Variants in MED12L observed in about 807,000 individuals in gnomAD.
The protein encoded by MED12L is mediator complex subunit 12L.
A neutral mutation model predicts 281.3 loss-of-function variants in MED12L; 60 were observed. That is an observed-to-expected ratio of 0.21 (90% confidence interval 0.17 to 0.26). MED12L has a LOEUF of 0.26. Among genes scored for constraint, MED12L ranks in the 10% least tolerant of loss-of-function variants. MED12L has a pLI of 1.00. For missense variants in MED12L, 2,146 were observed against 2,680.9 expected (o/e 0.80, Z 4.41); for synonymous variants, 974 against 987.2 (o/e 0.99, Z 0.25).
At chr3:151,367,610 G>T in intron 23 of MED12L, 36 bp from the exon 24 acceptor site, 7 of 1,562,720 alleles carry the variant, frequency 4.5e-6, no homozygotes, top group Non-Finnish European at 6.1e-6. Flanking sequence ...TTACAAGGTT[G>T]TTAGGTATTA....
chr3:151,179,597 A>C (rs1008018308), intron 11 of MED12L, among the ~76,000 whole-genome samples: 1 of 152,210 alleles, frequency 6.6e-6, no homozygotes, highest in Non-Finnish European at 1.5e-5. Context: ...CAGTAGGGGT[A>C]CTGCTCCTGG....
chr3:151,271,695 A>G (rs1054973040), intron 16 of MED12L, among the ~76,000 whole-genome samples: 1 of 152,238 alleles, frequency 6.6e-6, no homozygotes, highest in Admixed American at 6.5e-5. Flanking sequence ...GGCCCACAAT[A>G]TAGGTAAATC....
chr3:151,370,133 T>C (rs1207487451), intron 26 of MED12L, among the ~76,000 whole-genome samples: 2 of 152,216 alleles, frequency 1.3e-5, no homozygotes, highest in African/African-American at 4.8e-5. Flanking sequence ...AGATGTTCTT[T>C]ACATCCTTAT....
intron 16 of MED12L, among the ~76,000 whole-genome samples, chr3:151,237,045 CTTTTTTTTT>C: frequency 7.9e-6 from 1 of 125,866 alleles, no homozygotes; most frequent in East Asian, 2.3e-4. Flanking sequence ...TGATGCCAAA[CTTTTTTTTT>C]TTTTTTTTTT....
In MED12L at chr3:151,229,330, TG is replaced by T. The variant is rs59783580; in HGVS notation, c.2250+35666del. On this transcript the variant is annotated intron_variant, in intron 16 of 44. Transcript: ENST00000687756. The stretch of plus-strand genomic sequence containing the variant: ...CTTTTTTTTTTTTTTTTTTTTGAGA[TG>T]GAGTCTTGCTCTGTTGCTCAGGCTG... Among the ~76,000 whole-genome samples, 741 of 142,138 alleles carry T rather than the reference TG, an allele frequency of 5.2e-3. 4 individuals carry two copies. The highest frequency in any genetic ancestry group is 0.019 in the African/African-American group (708 of 37,632). 93.2% of individuals were successfully genotyped at this position (142,138 alleles called of 152,430 possible). A position where few individuals can be genotyped will look rare whatever the true frequency, so the allele number is the denominator to read the frequency against.
Position 151,122,778 on chromosome 3 carries a change from C to G in MED12L, c.205-5C>G. 6.3e-7 allele frequency: 1 copy of G among 1,579,428 alleles called. No homozygotes were observed. The highest frequency in any genetic ancestry group is 8.6e-7 in the Non-Finnish European group (1 of 1,163,728). ...ACTTTCCCTTTTTTTCTCTTCTTTC[C>G]ACAGATTGGAGCTTATTTTAGCAGC... On this transcript the variant is annotated splice_region_variant and splice_polypyrimidine_tract_variant and intron_variant, in intron 3 of 44. Coordinates refer to ENST00000687756, the MANE Select transcript of MED12L (RefSeq NM_001393769.1).
At chr3:151,386,237 C>G (rs1378743179) in intron 36 of MED12L, among the ~76,000 whole-genome samples, 5 of 152,206 alleles carry the variant, frequency 3.3e-5, no homozygotes, top group Non-Finnish European at 7.3e-5. Flanking sequence ...TTTGAGTTTG[C>G]AGTGTCAGCG....
intron 21 of MED12L, among the ~76,000 whole-genome samples, chr3:151,364,524 G>A (rs868107611): frequency 7.9e-5 from 12 of 152,114 alleles, no homozygotes; most frequent in African/African-American, 1.9e-4. Flanking sequence ...CTTGGCACAC[G>A]AACTTCTACT....
In MED12L at chr3:151,409,234, G is replaced by A. The variant is rs1716687309; in HGVS notation, c.5821-9G>A. Reference sequence around the variant, plus strand: ...ATGATCAAGAGTTTGCTTTGGCTTTGTTTTCCAGGGCCAGCCGGGGGACCA... The same window carrying A: ...ATGATCAAGAGTTTGCTTTGGCTTTATTTTCCAGGGCCAGCCGGGGGACCA... On this transcript the variant is annotated splice_polypyrimidine_tract_variant and intron_variant, in intron 39 of 44. Coordinates refer to ENST00000687756, the MANE Select transcript of MED12L (RefSeq NM_001393769.1). 2 of 1,582,050 alleles carry A rather than the reference G, an allele frequency of 1.3e-6. No homozygotes were observed. Among genetic ancestry groups the A allele is most frequent in the Non-Finnish European group, 8.5e-7 (1 of 1,169,818 alleles).
intron 2 of MED12L, among the ~76,000 whole-genome samples, chr3:151,087,665 A>C (rs916796670): frequency 6.6e-6 from 1 of 152,300 alleles, no homozygotes; most frequent in East Asian, 1.9e-4. Context: ...CAGGCGAGTT[A>C]CCTTGGGAGG....
chr3:151,178,717 G>A (rs1722376765), intron 11 of MED12L, among the ~76,000 whole-genome samples: 1 of 152,126 alleles, frequency 6.6e-6, no homozygotes, highest in South Asian at 2.1e-4. Flanking sequence ...CAGCTTATAG[G>A]TTGTAAAGAT....
chr3:151,244,927 T>C (rs929757313), intron 16 of MED12L, among the ~76,000 whole-genome samples: 11 of 152,126 alleles, frequency 7.2e-5, no homozygotes, highest in African/African-American at 1.2e-4. Context: ...TAAAAAATGA[T>C]AAAGGGGATA....
Position 151,355,923 on chromosome 3 carries a change from A to G in MED12L, c.2545A>G (p.Thr849Ala), listed in dbSNP as rs1358147699. ...TTCTAACAATGTGCTAGAACAAATC[A>G]CAAGCTTTGCGTCAGGAACATCCTA... Reference protein sequence around the residue: ...QISNNVLEQITSFASGTSYHL... With the variant: ...QISNNVLEQIASFASGTSYHL... The change falls in exon 19 of 45, where the codon ACA (threonine) becomes GCA (alanine). Residue 849 changes from threonine (T) to alanine (A), a missense_variant. Around this residue, in one of 9 missense-constraint regions of MED12L, gnomAD observed 404 missense variants for 603.5 expected, o/e 0.67. Coordinates refer to ENST00000687756, the MANE Select transcript of MED12L (RefSeq NM_001393769.1). The G allele has an allele frequency of 6.2e-6, 10 of 1,613,904 alleles. No individual in the cohort carries two copies. The highest frequency in any genetic ancestry group is 8.5e-6 in the Non-Finnish European group (10 of 1,179,952).
chr3:151,275,979 T>C (rs1355504234), intron 16 of MED12L, among the ~76,000 whole-genome samples: 1 of 152,188 alleles, frequency 6.6e-6, no homozygotes, highest in Non-Finnish European at 1.5e-5. Flanking sequence ...AGACAGCATC[T>C]GGCCAATGAA....
chr3:151,132,726 C>G (rs1715577607), intron 5 of MED12L, among the ~76,000 whole-genome samples: 2 of 152,154 alleles, frequency 1.3e-5, no homozygotes, highest in South Asian at 4.1e-4. Context: ...TCTGTTTATA[C>G]TATATGAAAA....
At chr3:151,190,654 T>C (rs1167302484) in intron 13 of MED12L, 63 bp from the exon 14 acceptor site, 2 of 1,379,598 alleles carry the variant, frequency 1.4e-6, no homozygotes, top group Non-Finnish European at 2.1e-6. Context: ...TATTAAGCCT[T>C]AGTAATTAGT....
chr3:151,150,817 G>A (rs915381545), intron 5 of MED12L, among the ~76,000 whole-genome samples: 1 of 152,050 alleles, frequency 6.6e-6, no homozygotes, highest in South Asian at 2.1e-4. Flanking sequence ...TAAACTTCAC[G>A]TACTAGCTCC....
intron 16 of MED12L, among the ~76,000 whole-genome samples, chr3:151,277,302 A>G (rs190324118): frequency 6.6e-6 from 1 of 152,182 alleles, no homozygotes; most frequent in Admixed American, 6.5e-5. Flanking sequence ...GTTTGTATAT[A>G]TAGTATTCAT....
intron 16 of MED12L, among the ~76,000 whole-genome samples, chr3:151,332,854 A>G (rs1039941212): frequency 2.6e-5 from 4 of 152,110 alleles, no homozygotes; most frequent in African/African-American, 9.7e-5. Context: ...GGTGATAAGC[A>G]TGGTACCGGA....
Sources: allele counts gnomAD v4.1 joint callset (sites outside exome capture counted in the v4.1 genomes callset), GRCh38; gene constraint gnomAD v4.1.1; regional missense constraint gnomAD v4.1.1; transcripts MANE v1.5; gene names NCBI Gene and HGNC (gene_info 2026-07-23, HGNC 2026-07-21).